USP53: variants seen among roughly 807,000 people sequenced by gnomAD.
The protein encoded by USP53 is ubiquitin specific peptidase 53.
In USP53, 71 loss-of-function variants were observed where a neutral mutation model predicts 94.9. The observed-to-expected ratio is 0.75, with a 90% CI of 0.62 to 0.91. The LOEUF is 0.91. Ranked by LOEUF, USP53 falls within the 40% of genes least tolerant of loss-of-function variation. The pLI is 0.00. For missense variants in USP53, 1,173 were observed against 1,281.0 expected, an observed-to-expected ratio of 0.92 and a Z score of 1.29; for synonymous variants, 375 against 422.7, an observed-to-expected ratio of 0.89 and a Z score of 1.39.
chr4:119,265,815 A>T (rs1282320590), intron 12 of USP53, among the ~76,000 whole-genome samples: 1 of 152,206 alleles, frequency 6.6e-6, no homozygotes. Context: ...TGCCTGCAAA[A>T]ATATTCTAGA....
chr4:119,246,818 C>G (rs1197512466), intron 6 of USP53, among the ~76,000 whole-genome samples: 4 of 152,158 alleles, frequency 2.6e-5, no homozygotes, highest in Non-Finnish European at 5.9e-5. Context: ...TATATATTAG[C>G]AACTCATTCG....
chr4:119,244,684 A>G (rs541907323), intron 5 of USP53, among the ~76,000 whole-genome samples: 222 of 152,286 alleles, frequency 1.5e-3, no homozygotes, highest in Non-Finnish European at 2.3e-3. Context: ...TTGTTTTGAC[A>G]GTTGCCGTCT....
intron 3 of USP53, among the ~76,000 whole-genome samples, chr4:119,223,652 C>T (rs116627094): frequency 0.018 from 2,815 of 152,248 alleles, 35 homozygotes; most frequent in Non-Finnish European, 0.028. Context: ...GAATCTTTAC[C>T]ATCCACATTA....
intron 3 of USP53, among the ~76,000 whole-genome samples, chr4:119,232,418 A>C (rs1328409880): frequency 6.6e-6 from 1 of 152,108 alleles, no homozygotes; most frequent in Non-Finnish European, 1.5e-5. Context: ...GACTTCTTAC[A>C]CTTTGCTTAG....
At chr4:119,259,066 A>C (rs2149381468) in intron 9 of USP53, among the ~76,000 whole-genome samples, 1 of 152,242 alleles carries the variant, frequency 6.6e-6, no homozygotes, top group South Asian at 2.1e-4. Flanking sequence ...GGATCACTTG[A>C]GGTCAGGAGT....
chr4:119,280,120 C>T (rs1456090843), intron 17 of USP53, among the ~76,000 whole-genome samples: 2 of 152,142 alleles, frequency 1.3e-5, no homozygotes, highest in Non-Finnish European at 2.9e-5. Context: ...CATCTTGGCT[C>T]CTCCCCCGTT....
At position 119,294,776 on chromosome 4, in the gene USP53, CTA is replaced by C. The variant is rs1477506567; in HGVS notation, c.*1568_*1569del. The stretch of plus-strand genomic sequence containing the variant: ...GTCTTGGCCAAATTTTATCTTCTGC[CTA>C]TAGTTTTTACTAGCCTTTTTAAACT... On this transcript the variant is annotated 3_prime_UTR_variant, in exon 19 of 19. Transcript: ENST00000692078. 2 of 152,040 alleles carry C rather than the reference CTA, an allele frequency of 1.3e-5. No individual in the cohort carries two copies. Among genetic ancestry groups the C allele is most frequent in the African/African-American group, 2.4e-5 (1 of 41,418 alleles). The allele number at this position is 152,040 out of a possible 1,614,324, so 9.4% of individuals were successfully genotyped here.
chr4:119,249,269 GGGGATTTTGGT>G (rs989532018), intron 7 of USP53, among the ~76,000 whole-genome samples: 8 of 152,230 alleles, frequency 5.3e-5, no homozygotes, highest in Admixed American at 2.0e-4. Flanking sequence ...TGGGAGAGAA[GGGGATTTTGGT>G]GGGATTTTGG....
chr4:119,284,263 A>T (rs2149466988), intron 17 of USP53, among the ~76,000 whole-genome samples: 1 of 151,758 alleles, frequency 6.6e-6, no homozygotes. Flanking sequence ...GTAAAGGGCC[A>T]TGTTTGTAAC....
At position 119,286,076 on chromosome 4, in the gene USP53, C is replaced by T. The variant is rs1754077426; in HGVS notation, c.2252-5089C>T. Among the ~76,000 whole-genome samples, 3 of 151,542 alleles carry T rather than the reference C, an allele frequency of 2.0e-5. 1 individual carries two copies. In the South Asian group the frequency reaches 6.2e-4, roughly 31 times the overall value. ...CTACATATTAAAGTATCTCTCTACTCCTTTTAGTATGTAGTAAATTTATCC... is the reference window on the plus strand; with the variant it reads ...CTACATATTAAAGTATCTCTCTACTTCTTTTAGTATGTAGTAAATTTATCC... On this transcript the variant is annotated intron_variant, in intron 17 of 18. Transcript: ENST00000692078.
At chr4:119,241,967 A>C (rs1229150080) in intron 5 of USP53, among the ~76,000 whole-genome samples, 5 of 151,986 alleles carry the variant, frequency 3.3e-5, no homozygotes, top group African/African-American at 2.4e-5. Context: ...AAGTTCATTA[A>C]TCTTTTCCTT....
chr4:119,286,361 A>C (rs1394092807), intron 17 of USP53, among the ~76,000 whole-genome samples: 3 of 151,512 alleles, frequency 2.0e-5, no homozygotes, highest in Non-Finnish European at 4.4e-5. Context: ...TTGCCTTGAT[A>C]CTGAGTTTTT....
intron 17 of USP53, among the ~76,000 whole-genome samples, chr4:119,276,413 G>A (rs1212256911): frequency 3.6e-4 from 54 of 150,442 alleles, no homozygotes; most frequent in African/African-American, 1.0e-3. Context: ...ATTGATTTGC[G>A]TGTATTGAAC....
At chr4:119,232,147 A>C (rs1249440161) in intron 3 of USP53, among the ~76,000 whole-genome samples, 7 of 152,188 alleles carry the variant, frequency 4.6e-5, no homozygotes, top group Non-Finnish European at 2.9e-5. Context: ...ATCACATGCC[A>C]TGCAATTCAC....
intron 12 of USP53, among the ~76,000 whole-genome samples, chr4:119,265,557 G>A (rs1326622634): frequency 6.6e-6 from 1 of 152,034 alleles, no homozygotes; most frequent in Non-Finnish European, 1.5e-5. Context: ...TGTAATCCCA[G>A]CTACTCAGGA....
intron 17 of USP53, among the ~76,000 whole-genome samples, chr4:119,290,902 A>T (rs1174973748): frequency 6.6e-6 from 1 of 152,224 alleles, no homozygotes; most frequent in Non-Finnish European, 1.5e-5. Context: ...ACAGATCTGC[A>T]TGACCCAGCA....
At chr4:119,265,175 T>G (rs1750960539) in intron 12 of USP53, among the ~76,000 whole-genome samples, 1 of 151,058 alleles carries the variant, frequency 6.6e-6, no homozygotes, top group East Asian at 2.0e-4. Flanking sequence ...GATTACACAA[T>G]TGTATTGTCA....
Position 119,271,835 on chromosome 4 carries a change from A to T in USP53, c.1975A>T (p.Asn659Tyr). Residue 659 changes from asparagine (N) to tyrosine (Y), a missense_variant, in exon 16 of 19, where the codon AAT (asparagine) becomes TAT (tyrosine). Coordinates refer to ENST00000692078, the MANE Select transcript of USP53 (RefSeq NM_001371395.1). ...AGGAAGCAGAAGTTCCCTTGAATCT[A>T]ATGGAAAAGGAGCAGAGAAAAATAA... ...EIGSRSSLES[N>Y]GKGAEKNKGL... The T allele has an allele frequency of 6.2e-7, 1 of 1,613,042 alleles. No individual in the cohort carries two copies. Among genetic ancestry groups the T allele is most frequent in the Non-Finnish European group, 8.5e-7 (1 of 1,179,788 alleles).
At chr4:119,218,005 G>A (rs1459611835) in intron 3 of USP53, 2 of 152,296 alleles carry the variant, frequency 1.3e-5, no homozygotes, top group Admixed American at 6.5e-5. Flanking sequence ...CTCCAGAATA[G>A]ACTTATATGT....
Sources: gnomAD v4.1 joint callset for allele counts (sites outside exome capture counted in the v4.1 genomes callset) on GRCh38, gnomAD v4.1.1 for gene constraint, MANE v1.5 for transcripts, NCBI Gene and HGNC (gene_info 2026-07-23, HGNC 2026-07-21) for gene names.